POLA1: variants seen among roughly 807,000 people sequenced by gnomAD.
POLA1 encodes DNA polymerase alpha 1, catalytic subunit.
A neutral mutation model predicts 124.0 loss-of-function variants in POLA1; 15 were observed. The observed-to-expected ratio is 0.12, with a 90% CI of 0.08 to 0.19. The LOEUF is 0.19. Ranked by LOEUF, POLA1 falls within the 10% of genes least tolerant of loss-of-function variation. The pLI, the probability that POLA1 is intolerant of heterozygous loss-of-function variation, is 1.00. For missense variants in POLA1, 886 were observed against 1,103.4 expected (o/e 0.80, Z 2.79); for synonymous variants, 408 against 389.4 (o/e 1.05, Z -0.56).
chrX:24,908,372 A>G (rs2047396849), intron 35 of POLA1, among the ~76,000 whole-genome samples: 1 of 97,138 alleles, frequency 1.0e-5, no homozygotes, highest in African/African-American at 3.8e-5. Context: ...ATATCTCCTA[A>G]TGGTATCCCT....
At chrX:24,973,061 A>G (rs1332776968) in intron 36 of POLA1, among the ~76,000 whole-genome samples, 1 of 112,267 alleles carries the variant, frequency 8.9e-6, no homozygotes, top group Non-Finnish European at 1.9e-5. Context: ...GATCATGTTA[A>G]GAAACATCTT....
At position 24,727,432 on chromosome X, in the gene POLA1, T is replaced by A. The variant is rs544732118; in HGVS notation, c.1532-350T>A. ...AGTGCATGTTTTTCCTGTTACCTGA[T>A]GTTTTTCAGTAATTGCTTCTATGAT... On this transcript the variant is annotated intron_variant, in intron 14 of 36. Transcript: ENST00000379068. Among the ~76,000 whole-genome samples, 17 of 111,900 alleles carry A rather than the reference T, an allele frequency of 1.5e-4. No homozygotes were observed. The South Asian group carries it at 6.4e-3, about 42-fold the overall frequency.
intron 35 of POLA1, among the ~76,000 whole-genome samples, chrX:24,897,859 T>A (rs2147154933): frequency 8.9e-6 from 1 of 112,494 alleles, no homozygotes; most frequent in Non-Finnish European, 1.9e-5. Flanking sequence ...AGTTGGCAGC[T>A]TAAACTGCTT....
intron 36 of POLA1, among the ~76,000 whole-genome samples, chrX:24,944,901 A>G (rs753200776): frequency 8.9e-6 from 1 of 112,132 alleles, no homozygotes; most frequent in Non-Finnish European, 1.9e-5. Flanking sequence ...AATGCTCTGT[A>G]AAATGTTTGT....
chrX:24,884,280 CTG>C (rs1402228542), intron 34 of POLA1, among the ~76,000 whole-genome samples: 2 of 111,183 alleles, frequency 1.8e-5, no homozygotes, highest in African/African-American at 6.6e-5. Context: ...TCCCGAGTAA[CTG>C]TGACCGTAGG....
At chrX:24,801,924 G>GGTGTGTGTGTGTGTGTGT (rs35938897) in intron 26 of POLA1, among the ~76,000 whole-genome samples, 1,054 of 74,517 alleles carry the variant, frequency 0.014, 37 homozygotes, top group African/African-American at 0.029. Flanking sequence ...GAGGTGGGTG[G>GGTGTGTGTGTGTGTGTGT]GTGTGTGTGT....
At chrX:24,760,792 A>G (rs765196149) in intron 26 of POLA1, among the ~76,000 whole-genome samples, 13 of 111,816 alleles carry the variant, frequency 1.2e-4, no homozygotes, top group Non-Finnish European at 2.4e-4. Flanking sequence ...GGCGGGGAGA[A>G]GAATAGTTTT....
chrX:24,962,690 A>G (rs376060418), intron 36 of POLA1, among the ~76,000 whole-genome samples: 130 of 111,812 alleles, frequency 1.2e-3, no homozygotes, highest in African/African-American at 2.9e-3. Flanking sequence ...CGGGACTCCA[A>G]TGCTCTTCAC....
intron 34 of POLA1, among the ~76,000 whole-genome samples, chrX:24,880,762 C>T (rs922335311): frequency 8.9e-6 from 1 of 111,771 alleles, no homozygotes; most frequent in Non-Finnish European, 1.9e-5. Context: ...AATTCTGTGG[C>T]AGAAAAATGT....
intron 36 of POLA1, among the ~76,000 whole-genome samples, chrX:24,966,971 TACTA>T (rs2048230718): frequency 8.9e-6 from 1 of 112,229 alleles, no homozygotes; most frequent in Admixed American, 9.4e-5. Context: ...TTACTGATAA[TACTA>T]ACTCAATTTA....
At position 24,981,062 on chromosome X, in the gene POLA1, C is replaced by T. The variant is rs186738056; in HGVS notation, c.4262-14743C>T. ...CCCACGTAGGTGCTTTTCAGTCCCTCGCTATGCTTCCCTTCACTTGATGGA... is the reference window on the plus strand; with the variant it reads ...CCCACGTAGGTGCTTTTCAGTCCCTTGCTATGCTTCCCTTCACTTGATGGA... On this transcript the variant is annotated intron_variant, in intron 36 of 36. Transcript: ENST00000379068. 5.3e-5 allele frequency among the ~76,000 whole-genome samples: 6 copies of T among 112,362 alleles called. No homozygotes were observed. In the East Asian group the frequency reaches 1.1e-3, roughly 21 times the overall value.
chrX:24,936,774 A>G (rs1364246416), intron 36 of POLA1, among the ~76,000 whole-genome samples: 1 of 110,401 alleles, frequency 9.1e-6, no homozygotes, highest in African/African-American at 3.3e-5. Context: ...CTTGTGATCC[A>G]CCCGCCTCGG....
chrX:24,770,767 C>T (rs2045015703), intron 26 of POLA1, among the ~76,000 whole-genome samples: 1 of 111,062 alleles, frequency 9.0e-6, no homozygotes, highest in Non-Finnish European at 1.9e-5. Context: ...CCGATAACCT[C>T]TACAGTTCCA....
rs66782103 is a variant in POLA1 at position 24,757,436 on chromosome X, C to CTTTTTTTTTTTTTTTTTTTT, written c.2964+8446_2964+8465dup. Among the ~76,000 whole-genome samples, 33 of 62,138 alleles carry CTTTTTTTTTTTTTTTTTTTT rather than the reference C, an allele frequency of 5.3e-4. 5 individuals carry two copies. The highest frequency in any genetic ancestry group is 2.5e-3 in the African/African-American group (30 of 12,224). The allele number at this position is 62,138 out of a possible 115,157, so 54.0% of individuals were successfully genotyped here. On this transcript the variant is annotated intron_variant, in intron 26 of 36. Transcript: ENST00000379068. ...ATCTGAAATGCTCCAAAATCTGAAA[C>CTTTTTTTTTTTTTTTTTTTT]TTTTTTTTTTTTTTTTTTTTTGAGA...
At chrX:24,898,106 T>C (rs1409734358) in intron 35 of POLA1, among the ~76,000 whole-genome samples, 2 of 112,447 alleles carry the variant, frequency 1.8e-5, no homozygotes, top group African/African-American at 6.5e-5. Context: ...AATTTTTTTC[T>C]CTTTGGCTTT....
chrX:24,789,789 C>G (rs1242250872), intron 26 of POLA1, among the ~76,000 whole-genome samples: 1 of 112,153 alleles, frequency 8.9e-6, no homozygotes, highest in African/African-American at 3.2e-5. Flanking sequence ...AGAAGTGACT[C>G]TTGTTAAGAA....
At position 24,763,440 on chromosome X, in the gene POLA1, C is replaced by G. The variant is rs762265308; in HGVS notation, c.2964+14448C>G. 2.7e-5 allele frequency among the ~76,000 whole-genome samples: 3 copies of G among 110,807 alleles called. No homozygotes were observed. The Admixed American group carries it at 2.9e-4, about 11-fold the overall frequency. On this transcript the variant is annotated intron_variant, in intron 26 of 36. Coordinates refer to ENST00000379068, the MANE Select transcript of POLA1 (RefSeq NM_001330360.2). ...GAAAGATGAACAGTTTGATCGTAGACATGTTAATTTTGAGGTTGCAGAATA... is the reference window on the plus strand; with the variant it reads ...GAAAGATGAACAGTTTGATCGTAGAGATGTTAATTTTGAGGTTGCAGAATA...
In POLA1 at chrX:24,789,030, C is replaced by G; in HGVS notation, c.2965-20868C>G. On this transcript the variant is annotated intron_variant, in intron 26 of 36. Coordinates refer to ENST00000379068, the MANE Select transcript of POLA1 (RefSeq NM_001330360.2). The stretch of plus-strand genomic sequence containing the variant: ...TTGTCCGCCAGGTAATCGTTGAGCA[C>G]CTGGAGGCCGGCGGGGCTTTTCAGG... 4 of 1,210,019 alleles carry G rather than the reference C, an allele frequency of 3.3e-6. No individual in the cohort carries two copies. In the South Asian group the frequency reaches 7.0e-5, roughly 21 times the overall value.
chrX:24,739,633 G>A, intron 20 of POLA1, 83 bp downstream of exon 20: 1 of 578,120 alleles, frequency 1.7e-6, no homozygotes, highest in Non-Finnish European at 2.7e-6. Context: ...TAGTCTGGAG[G>A]GACATGAGCC....
Sources: gnomAD v4.1 joint callset for allele counts (sites outside exome capture counted in the v4.1 genomes callset) on GRCh38, gnomAD v4.1.1 for gene constraint, MANE v1.5 for transcripts, NCBI Gene and HGNC (gene_info 2026-07-23, HGNC 2026-07-21) for gene names.